Variants in NTN1 observed in about 807,000 individuals in gnomAD.
NTN1 encodes the protein netrin-1.
A neutral mutation model predicts 54.2 loss-of-function variants in NTN1; 11 were observed. The ratio of observed to expected loss-of-function variants is 0.20; its 90% CI spans 0.13 to 0.34. NTN1 has a LOEUF of 0.34. Among genes scored for constraint, NTN1 ranks in the 10% least tolerant of loss-of-function variants. NTN1 has a pLI of 1.00. For missense variants in NTN1, 740 were observed against 893.1 expected (o/e 0.83, Z 2.18); for synonymous variants, 371 against 382.0 (o/e 0.97, Z 0.33).
chr17:9,023,266 GCGA>G lies in NTN1; in HGVS notation c.898_900del (p.Asp300del), dbSNP rs1317682626. On this transcript the variant is annotated inframe_deletion, in exon 2 of 7. Coordinates refer to ENST00000173229, the MANE Select transcript of NTN1 (RefSeq NM_004822.3). ...CACGCGGCCCGCTGCGTGCGCGACC[GCGA>G]CGACAGCCTGGTGTGCGACTGCAGG... 1 of 1,560,704 alleles carries G rather than the reference GCGA, an allele frequency of 6.4e-7. No individual in the cohort carries two copies. Among genetic ancestry groups the G allele is most frequent in the Admixed American group, 1.8e-5 (1 of 54,604 alleles).
intron 2 of NTN1, among the ~76,000 whole-genome samples, chr17:9,028,573 T>C (rs2091878877): frequency 6.6e-6 from 1 of 152,198 alleles, no homozygotes; most frequent in Non-Finnish European, 1.5e-5. Context: ...CTCAGAAAAC[T>C]ATTTGAGACT....
At chr17:9,200,082 G>A (rs904603948) in intron 5 of NTN1, among the ~76,000 whole-genome samples, 6 of 152,206 alleles carry the variant, frequency 3.9e-5, no homozygotes, top group African/African-American at 7.2e-5. Flanking sequence ...CCAACCAGCC[G>A]GGTGGACGTT....
At chr17:9,081,001 AC>A in intron 2 of NTN1, among the ~76,000 whole-genome samples, 1 of 152,100 alleles carries the variant, frequency 6.6e-6, no homozygotes, top group East Asian at 1.9e-4. Context: ...AATTAACTGA[AC>A]CTGAGGAGGG....
intron 2 of NTN1, among the ~76,000 whole-genome samples, chr17:9,049,984 C>A (rs1046036370): frequency 6.6e-6 from 1 of 152,184 alleles, no homozygotes; most frequent in Non-Finnish European, 1.5e-5. Context: ...CAGTGGCTCA[C>A]GCCTGTAATC....
chr17:9,136,431 G>T (rs1404006587), intron 2 of NTN1, among the ~76,000 whole-genome samples: 1 of 152,076 alleles, frequency 6.6e-6, no homozygotes, highest in African/African-American at 2.4e-5. Context: ...ACAAAAATTA[G>T]CCAGGCATAG....
chr17:9,007,346 TC>T, the NTN1 span, among the ~76,000 whole-genome samples: 1 of 103,526 alleles, frequency 9.7e-6, no homozygotes, highest in Non-Finnish European at 2.4e-5. Context: ...TCTTTCTTTC[TC>T]TTTCTCTCTC....
At chr17:9,162,774 G>C (rs753374047) in intron 2 of NTN1, 39 bp from the exon 3 acceptor site, 193 of 1,571,228 alleles carry the variant, frequency 1.2e-4, no homozygotes, top group South Asian at 2.3e-5. Context: ...TCCTCCCCGC[G>C]CCCCTGCGGC....
At chr17:9,034,146 A>G (rs905582783) in intron 2 of NTN1, among the ~76,000 whole-genome samples, 1 of 152,038 alleles carries the variant, frequency 6.6e-6, no homozygotes. Flanking sequence ...TGTGCCTTTG[A>G]TGCCTTGGTG....
rs530070838 is a variant in NTN1 at position 9,029,587 on chromosome 17, G to C, written c.1018+6196G>C. Reference sequence around the variant, plus strand: ...ACCTCAAAGATATCTGCTCTCATGAGGTTTGACTTGCGTAGCACAACTTAG... The same window carrying C: ...ACCTCAAAGATATCTGCTCTCATGACGTTTGACTTGCGTAGCACAACTTAG... On this transcript the variant is annotated intron_variant, in intron 2 of 6. Coordinates refer to ENST00000173229, the MANE Select transcript of NTN1 (RefSeq NM_004822.3). 9.2e-5 allele frequency among the ~76,000 whole-genome samples: 14 copies of C among 152,332 alleles called. No homozygotes were observed. In the South Asian group the frequency reaches 2.7e-3, roughly 29 times the overall value.
At chr17:9,215,717 G>C (rs979067162) in intron 5 of NTN1, among the ~76,000 whole-genome samples, 7 of 152,202 alleles carry the variant, frequency 4.6e-5, no homozygotes, top group African/African-American at 1.4e-4. Flanking sequence ...TCACTGGCTT[G>C]TTGTTGTTGT....
At position 9,242,209 on chromosome 17, in the gene NTN1, AGG is replaced by A. The variant is rs1906237687; in HGVS notation, c.*2242_*2243del. Reference sequence around the variant, plus strand: ...GCCTCAGGGTGGTTGGAGAGACTCCAGGAGAGACTGGCAGAGGTGCCTCAGGG... The same window carrying A: ...GCCTCAGGGTGGTTGGAGAGACTCCAAGAGACTGGCAGAGGTGCCTCAGGG... On this transcript the variant is annotated 3_prime_UTR_variant, in exon 7 of 7. Transcript: ENST00000173229. 1 of 152,494 alleles carries A rather than the reference AGG, an allele frequency of 6.6e-6. No individual in the cohort carries two copies. The highest frequency in any genetic ancestry group is 6.5e-5 in the Admixed American group (1 of 15,294). The allele number at this position is 152,494 out of a possible 1,614,324, so 9.4% of individuals were successfully genotyped here.
the NTN1 span, among the ~76,000 whole-genome samples, chr17:9,004,372 G>A: frequency 1.3e-5 from 2 of 152,370 alleles, no homozygotes; most frequent in East Asian, 1.9e-4. Flanking sequence ...TCGCCCTCGC[G>A]GCCTGGAAGG....
At chr17:9,029,866 C>T (rs2091883549) in intron 2 of NTN1, among the ~76,000 whole-genome samples, 1 of 151,964 alleles carries the variant, frequency 6.6e-6, no homozygotes, top group Non-Finnish European at 1.5e-5. Context: ...GTGGCGTGTG[C>T]CTGTAATCCC....
chr17:9,152,340 A>G (rs933461141), intron 2 of NTN1, among the ~76,000 whole-genome samples: 1 of 152,036 alleles, frequency 6.6e-6, no homozygotes, highest in Non-Finnish European at 1.5e-5. Context: ...TTCTCCCCCA[A>G]AATAGTTTCC....
Position 9,135,931 on chromosome 17 carries a change from T to G in NTN1, c.1019-26882T>G, listed in dbSNP as rs982104493. Among the ~76,000 whole-genome samples, 2 of 152,202 alleles carry G rather than the reference T, an allele frequency of 1.3e-5. No individual in the cohort carries two copies. The highest frequency in any genetic ancestry group is 4.8e-5 in the African/African-American group (2 of 41,440). On this transcript the variant is annotated intron_variant, in intron 2 of 6. Coordinates refer to ENST00000173229, the MANE Select transcript of NTN1 (RefSeq NM_004822.3). This position sits in a 1 kb window ranked among gnomAD's most constrained non-coding sequence, Gnocchi z 4.4. Reference sequence around the variant, plus strand: ...TGAACACTGCCACCCCAAACGTGTCTGTGTGCGCACGCTCACTCATACATG... The same window carrying G: ...TGAACACTGCCACCCCAAACGTGTCGGTGTGCGCACGCTCACTCATACATG...
chr17:9,210,152 A>G (rs1336577352), intron 5 of NTN1, among the ~76,000 whole-genome samples: 2 of 151,870 alleles, frequency 1.3e-5, no homozygotes, highest in Non-Finnish European at 2.9e-5. Context: ...AGGAACTCCA[A>G]CTTTCATCCA....
chr17:9,113,617 A>G (rs2092199788), intron 2 of NTN1, among the ~76,000 whole-genome samples: 1 of 152,166 alleles, frequency 6.6e-6, no homozygotes, highest in Non-Finnish European at 1.5e-5. Flanking sequence ...TTCTTTGTGC[A>G]ATCCAAGCAG....
intron 2 of NTN1, among the ~76,000 whole-genome samples, chr17:9,144,430 C>G (rs996857806): frequency 6.6e-6 from 1 of 152,174 alleles, no homozygotes; most frequent in Non-Finnish European, 1.5e-5. Context: ...TGATCAAACA[C>G]ACCCAAGGTC....
intron 2 of NTN1, among the ~76,000 whole-genome samples, chr17:9,160,420 C>T (rs1597510704): frequency 6.6e-6 from 1 of 151,876 alleles, no homozygotes; most frequent in African/African-American, 2.4e-5. Context: ...ATCTTTTAAA[C>T]ATTGTGAAGA....
Sources: allele counts gnomAD v4.1 joint callset (sites outside exome capture counted in the v4.1 genomes callset), GRCh38; gene constraint gnomAD v4.1.1; non-coding constraint Gnocchi (gnomAD v3.1); transcripts MANE v1.5; gene names NCBI Gene and HGNC (gene_info 2026-07-23, HGNC 2026-07-21).